Variants in TMED10 observed in about 807,000 individuals in gnomAD.
TMED10 encodes transmembrane emp24 domain-containing protein 10.
In TMED10, 7 loss-of-function variants were observed where a neutral mutation model predicts 23.1. The ratio of observed to expected loss-of-function variants is 0.30; its 90% CI spans 0.17 to 0.57. The LOEUF (loss-of-function observed/expected upper bound fraction) is 0.57. TMED10 is among the 20% of genes least tolerant of loss of function. TMED10 has a pLI of 0.91. For missense variants in TMED10, 162 were observed against 274.8 expected, an observed-to-expected ratio of 0.59 and a Z score of 2.90; for synonymous variants, 113 against 106.9, an observed-to-expected ratio of 1.06 and a Z score of -0.35.
intron 1 of TMED10, among the ~76,000 whole-genome samples, chr14:75,173,645 A>G (rs1896263756): frequency 6.6e-6 from 1 of 152,192 alleles, no homozygotes; most frequent in African/African-American, 2.4e-5. Flanking sequence ...GTTAGTAGCA[A>G]AAGAACAGAG....
intron 3 of TMED10, among the ~76,000 whole-genome samples, chr14:75,137,591 C>T (rs1043970785): frequency 1.1e-4 from 16 of 149,350 alleles, no homozygotes; most frequent in Non-Finnish European, 2.1e-4. Context: ...AGGAGAATGG[C>T]GTGAACCCAG....
At chr14:75,147,345 C>G (rs1037504971) in intron 3 of TMED10, among the ~76,000 whole-genome samples, 2 of 151,996 alleles carry the variant, frequency 1.3e-5, no homozygotes, top group African/African-American at 4.8e-5. Context: ...AGGCGCACGC[C>G]ACCACTCCTG....
Position 75,134,523 on chromosome 14 carries a change from G to C in TMED10, c.*362C>G, listed in dbSNP as rs1456302766. The C allele has an allele frequency of 5.9e-6, 1 of 168,364 alleles. No individual in the cohort carries two copies. The highest frequency in any genetic ancestry group is 1.3e-5 in the Non-Finnish European group (1 of 77,354). The allele number at this position is 168,364 out of a possible 1,614,324, so 10.4% of individuals were successfully genotyped here. On this transcript the variant is annotated 3_prime_UTR_variant, in exon 5 of 5. Transcript: ENST00000303575. ...TAAAAGAACTAGAATGGAAGCCCAAGCTGCTGAGCAAGTGGGAGAAGAAAA... is the reference window on the plus strand; with the variant it reads ...TAAAAGAACTAGAATGGAAGCCCAACCTGCTGAGCAAGTGGGAGAAGAAAA...
chr14:75,158,870 G>A (rs1294261785), intron 1 of TMED10, among the ~76,000 whole-genome samples: 1 of 152,074 alleles, frequency 6.6e-6, no homozygotes, highest in Non-Finnish European at 1.5e-5. Flanking sequence ...GTTGTGGTGA[G>A]TCGCGATCGC....
At chr14:75,168,243 A>C (rs1350379898) in intron 1 of TMED10, among the ~76,000 whole-genome samples, 3 of 152,076 alleles carry the variant, frequency 2.0e-5, no homozygotes, top group Non-Finnish European at 2.9e-5. Context: ...CACTACCTGA[A>C]ATTCTATTAT....
rs376739620 is a variant in TMED10, at chr14:75,154,388, C to A, written c.226-2245G>T. Among the ~76,000 whole-genome samples the A allele has an allele frequency of 5.8e-5, 4 of 69,548 alleles. No individual in the cohort carries two copies. The South Asian group carries it at 1.8e-3, about 31-fold the overall frequency. 45.6% of individuals were successfully genotyped at this position (69,548 alleles called of 152,430 possible). On this transcript the variant is annotated intron_variant, in intron 1 of 4. Transcript: ENST00000303575. ...CTGCACTCCAGCCTGGGCAACACAG[C>A]GAGACTCTGTCTCAAAAAAAAAAAA...
chr14:75,163,870 T>C (rs1160318513), intron 1 of TMED10, among the ~76,000 whole-genome samples: 2 of 152,016 alleles, frequency 1.3e-5, no homozygotes, highest in African/African-American at 4.8e-5. Context: ...AGAGATCCTC[T>C]TGTGCCAGCC....
rs532608442 is a variant in TMED10 at position 75,163,581 on chromosome 14, C to T, written c.226-11438G>A. Among the ~76,000 whole-genome samples the T allele has an allele frequency of 4.0e-4, 56 of 140,012 alleles. 1 individual carries two copies. The highest frequency in any genetic ancestry group is 2.4e-4 in the African/African-American group (9 of 37,606). 91.9% of individuals were successfully genotyped at this position (140,012 alleles called of 152,430 possible). A position where few individuals can be genotyped will look rare whatever the true frequency, so the allele number is the denominator to read the frequency against. ...AAAAAAAAAAAAAAAAAAAAAAGAA[C>T]GGAAACAGGAATAGCTAGCCTTTTC... On this transcript the variant is annotated intron_variant, in intron 1 of 4. Transcript: ENST00000303575.
chr14:75,143,228 T>G (rs1020109020), intron 3 of TMED10, among the ~76,000 whole-genome samples: 1 of 152,168 alleles, frequency 6.6e-6, no homozygotes, highest in African/African-American at 2.4e-5. Flanking sequence ...TTAACATCAT[T>G]CTTACTGGTC....
At position 75,133,964 on chromosome 14, in the gene TMED10, G is replaced by A; in HGVS notation, c.*921C>T. 4.2e-6 allele frequency: 1 copy of A among 238,486 alleles called. No homozygotes were observed. The allele number at this position is 238,486 out of a possible 1,614,324, so 14.8% of individuals were successfully genotyped here. A position where few individuals can be genotyped will look rare whatever the true frequency, so the allele number is the denominator to read the frequency against. ...GCAACAACTTGGATGGATTTCAAGG[G>A]AATTATGCTGAATGAAAAAAGATCA... On this transcript the variant is annotated 3_prime_UTR_variant, in exon 5 of 5. Transcript: ENST00000303575.
chr14:75,142,890 G>C (rs116760418), intron 3 of TMED10, among the ~76,000 whole-genome samples: 3,300 of 151,684 alleles, frequency 0.022, 126 homozygotes, highest in African/African-American at 0.076. Context: ...ATAGAGTTTT[G>C]CTTTGTCACC....
intron 1 of TMED10, among the ~76,000 whole-genome samples, chr14:75,164,569 A>AT (rs1896134516): frequency 2.5e-3 from 5 of 2,002 alleles, no homozygotes; most frequent in Non-Finnish European, 4.3e-3. Context: ...ATATATATAT[A>AT]TATATATATT....
intron 3 of TMED10, among the ~76,000 whole-genome samples, chr14:75,144,856 G>T (rs117534161): frequency 0.016 from 2,463 of 152,208 alleles, 29 homozygotes; most frequent in Non-Finnish European, 0.026. Flanking sequence ...TGGGGTTTTC[G>T]CCAGGTTGGC....
At chr14:75,165,211 A>G (rs1373405551) in intron 1 of TMED10, among the ~76,000 whole-genome samples, 1 of 152,120 alleles carries the variant, frequency 6.6e-6, no homozygotes, top group Non-Finnish European at 1.5e-5. Flanking sequence ...AGAAAAATAT[A>G]TCAGAAACAT....
intron 3 of TMED10, among the ~76,000 whole-genome samples, chr14:75,137,709 T>TTTCC (rs1555355557): frequency 2.5e-5 from 1 of 40,178 alleles, no homozygotes; most frequent in Non-Finnish European, 6.2e-5. Context: ...TCTTTCTTTC[T>TTTCC]TTTTTTTTTT....
intron 2 of TMED10, among the ~76,000 whole-genome samples, chr14:75,149,876 A>C (rs1406001804): frequency 6.6e-6 from 1 of 152,104 alleles, no homozygotes; most frequent in Non-Finnish European, 1.5e-5. Context: ...AGGCCAAGGC[A>C]GGTGGATCTC....
chr14:75,148,916 A>T (rs983946398), intron 2 of TMED10, among the ~76,000 whole-genome samples: 1 of 152,250 alleles, frequency 6.6e-6, no homozygotes, highest in African/African-American at 2.4e-5. Flanking sequence ...TTATTTAATT[A>T]AAAAAAATTT....
chr14:75,146,764 T>C (rs1895887329), intron 3 of TMED10, among the ~76,000 whole-genome samples: 1 of 152,174 alleles, frequency 6.6e-6, no homozygotes, highest in Non-Finnish European at 1.5e-5. Flanking sequence ...TTATCACCAT[T>C]CCTAGTCTCT....
At chr14:75,166,232 G>C (rs1026828300) in intron 1 of TMED10, among the ~76,000 whole-genome samples, 3 of 152,146 alleles carry the variant, frequency 2.0e-5, no homozygotes, top group African/African-American at 7.2e-5. Context: ...TGAACAATGA[G>C]GTTGGGAGCA....
Sources: gnomAD v4.1 joint callset for allele counts (sites outside exome capture counted in the v4.1 genomes callset) on GRCh38, gnomAD v4.1.1 for gene constraint, MANE v1.5 for transcripts, NCBI Gene and HGNC (gene_info 2026-07-23, HGNC 2026-07-21) for gene names.